Variants in ABHD18 observed in about 807,000 individuals in gnomAD.
ABHD18 encodes abhydrolase domain containing 18, also known as cardiolipin-specific deacylase, mitochondrial.
In ABHD18, 55 loss-of-function variants were observed where a neutral mutation model predicts 65.9. The observed-to-expected ratio is 0.84, with a 90% CI of 0.67 to 1.05. ABHD18 has a LOEUF of 1.05. Among genes scored for constraint, ABHD18 ranks in the 50% least tolerant of loss-of-function variants. The pLI, the probability that ABHD18 is intolerant of heterozygous loss-of-function variation, is 0.00. For synonymous variants in ABHD18, 181 were observed against 180.2 expected, an observed-to-expected ratio of 1.00 and a Z score of -0.04; for missense variants, 533 against 558.5, an observed-to-expected ratio of 0.95 and a Z score of 0.46.
chr4:128,034,576 C>G (rs1403277338), intron 12 of ABHD18, among the ~76,000 whole-genome samples: 2 of 151,268 alleles, frequency 1.3e-5, no homozygotes. Flanking sequence ...ATAGTGAGAT[C>G]TTGTCTCTAA....
intron 1 of ABHD18, 112 bp downstream of exon 1, chr4:127,965,718 A>T (rs1182123211): frequency 2.4e-5 from 4 of 167,040 alleles, no homozygotes; most frequent in African/African-American, 9.6e-5. Context: ...TGGGCGGGAG[A>T]CTCGCGGGTC....
At chr4:128,008,261 CTTTTTT>C (rs1167728243) in intron 4 of ABHD18, among the ~76,000 whole-genome samples, 115 of 97,756 alleles carry the variant, frequency 1.2e-3, no homozygotes, top group African/African-American at 4.7e-3. Context: ...GACTCCGTTC[CTTTTTT>C]TTTTTTTTTT....
At chr4:128,013,620 C>T (rs1428294262) in intron 7 of ABHD18, among the ~76,000 whole-genome samples, 1 of 152,000 alleles carries the variant, frequency 6.6e-6, no homozygotes, top group East Asian at 1.9e-4. Context: ...ATGGCGTGAA[C>T]CCAGGAGGCG....
chr4:127,996,461 A>G (rs1395412498), intron 4 of ABHD18, among the ~76,000 whole-genome samples: 4 of 152,134 alleles, frequency 2.6e-5, no homozygotes, highest in Admixed American at 6.6e-5. Flanking sequence ...GGGTGTACGA[A>G]CAGGGAGTAG....
chr4:128,028,701 C>T lies in ABHD18; in HGVS notation c.1028C>T (p.Thr343Ile). ...TCTAAGATGAAGCGCTTCAATCAAACACTTTCAACCAACAAAAGTGGTTAT... is the reference window on the plus strand; with the variant it reads ...TCTAAGATGAAGCGCTTCAATCAAATACTTTCAACCAACAAAAGTGGTTAT... ...DTSKMKRFNQ[T>I]LSTNKSGYTS... The change falls in exon 11 of 13, where the codon ACA becomes ATA. Residue 343 changes from threonine (T) to isoleucine (I), a missense_variant. Coordinates refer to ENST00000645843, the MANE Select transcript of ABHD18 (RefSeq NM_001358451.3). 1 of 1,613,946 alleles carries T rather than the reference C, an allele frequency of 6.2e-7. No individual in the cohort carries two copies. The highest frequency in any genetic ancestry group is 8.5e-7 in the Non-Finnish European group (1 of 1,179,874).
chr4:128,028,415 C>G (rs1757691447), intron 10 of ABHD18, 60 bp from the exon 11 acceptor site: 1 of 1,205,808 alleles, frequency 8.3e-7, no homozygotes, highest in African/African-American at 1.6e-5. Flanking sequence ...TTTTTTTTGA[C>G]AAAGCTGTTA....
intron 4 of ABHD18, among the ~76,000 whole-genome samples, chr4:128,005,846 G>A (rs1300973969): frequency 6.6e-6 from 1 of 152,118 alleles, no homozygotes; most frequent in African/African-American, 2.4e-5. Flanking sequence ...CTTCCCTGTT[G>A]CACAGTCTCT....
At position 128,039,144 on chromosome 4, in the gene ABHD18, C is replaced by CATATAT. The variant is rs61578534; in HGVS notation, c.*3367_*3372dup. ...TATGTATTATATATACACACATATG[C>CATATAT]ATATATATATATATATATATATATA... On this transcript the variant is annotated 3_prime_UTR_variant, in exon 13 of 13. Transcript: ENST00000645843. 76 of 99,712 alleles carry CATATAT rather than the reference C, an allele frequency of 7.6e-4. No homozygotes were observed. The highest frequency in any genetic ancestry group is 2.0e-3 in the South Asian group (6 of 3,034). 6.2% of individuals were successfully genotyped at this position (99,712 alleles called of 1,614,324 possible). A position where few individuals can be genotyped will look rare whatever the true frequency, so the allele number is the denominator to read the frequency against.
chr4:128,025,272 G>A (rs761000602), intron 10 of ABHD18, among the ~76,000 whole-genome samples: 1 of 151,994 alleles, frequency 6.6e-6, no homozygotes, highest in Non-Finnish European at 1.5e-5. Context: ...TGAGTAGCTG[G>A]GATTATAGGT....
chr4:128,010,906 A>G (rs1459785113), intron 6 of ABHD18, among the ~76,000 whole-genome samples: 2 of 149,018 alleles, frequency 1.3e-5, no homozygotes, highest in Admixed American at 1.3e-4. Context: ...CTGCGCCTCA[A>G]AAAAAAAAAA....
intron 4 of ABHD18, among the ~76,000 whole-genome samples, chr4:127,996,593 A>G (rs11932251): frequency 0.029 from 4,442 of 152,278 alleles, 202 homozygotes; most frequent in African/African-American, 0.1. Context: ...CTTAACAGGA[A>G]ACAGGGTTCG....
At chr4:127,996,866 C>T (rs1008115124) in intron 4 of ABHD18, among the ~76,000 whole-genome samples, 1 of 152,152 alleles carries the variant, frequency 6.6e-6, no homozygotes, top group African/African-American at 2.4e-5. Context: ...TCTGCCCGAC[C>T]CTGCAGGCAG....
chr4:127,975,245 C>T (rs1747686357), intron 1 of ABHD18, among the ~76,000 whole-genome samples: 1 of 152,060 alleles, frequency 6.6e-6, no homozygotes, highest in Admixed American at 6.6e-5. Context: ...CACCACCATC[C>T]ATCTCCAGTT....
intron 3 of ABHD18, among the ~76,000 whole-genome samples, chr4:127,985,418 A>C (rs1277065821): frequency 1.3e-5 from 2 of 152,154 alleles, no homozygotes; most frequent in African/African-American, 4.8e-5. Flanking sequence ...TTTTCAAAAG[A>C]GTTCGACTGC....
chr4:128,027,713 A>G (rs1757594881), intron 10 of ABHD18, among the ~76,000 whole-genome samples: 1 of 152,190 alleles, frequency 6.6e-6, no homozygotes, highest in East Asian at 1.9e-4. Flanking sequence ...CAGTAATTTT[A>G]AATTCTGGTT....
At chr4:127,998,541 C>CT (rs34575955) in intron 4 of ABHD18, among the ~76,000 whole-genome samples, 41,346 of 142,890 alleles carry the variant, frequency 0.29, 6,028 homozygotes, top group African/African-American at 0.33. Flanking sequence ...TCCCGGCTGA[C>CT]TTTTTTTTTT....
chr4:127,982,983 T>C lies in ABHD18; in HGVS notation c.28T>C (p.Tyr10His). 1 of 1,566,340 alleles carries C rather than the reference T, an allele frequency of 6.4e-7. No homozygotes were observed. The highest frequency in any genetic ancestry group is 8.7e-7 in the Non-Finnish European group (1 of 1,153,960). ...GGGTGTGAGCAAGTTAGATATTCTA[T>C]ACCGGAGACTTCTCCTAACAAAACT... is the stretch of plus-strand genomic sequence containing the variant. MGVSKLDIL[Y>H]RRLLLTKLFI... The change falls in exon 2 of 13, where the codon TAC (tyrosine) becomes CAC (histidine). Residue 10 changes from tyrosine (Y) to histidine (H), a missense_variant. This residue lies in a region of ABHD18 where 309 missense variants were observed against 313.5 expected (regional missense o/e 0.99). Transcript: ENST00000645843.
rs574885351 is a variant in ABHD18, at chr4:127,998,458, C to G, written c.278+8637C>G. 2.6e-5 allele frequency among the ~76,000 whole-genome samples: 4 copies of G among 151,262 alleles called. No homozygotes were observed. The South Asian group carries it at 8.4e-4, about 32-fold the overall frequency. On this transcript the variant is annotated intron_variant, in intron 4 of 12. Coordinates refer to ENST00000645843, the MANE Select transcript of ABHD18 (RefSeq NM_001358451.3). Reference sequence around the variant, plus strand: ...GTTTCACCATGTTAGCCAGGATGGTCTCGATCTCCTGACCTCGTGATCCGC... The same window carrying G: ...GTTTCACCATGTTAGCCAGGATGGTGTCGATCTCCTGACCTCGTGATCCGC...
At chr4:128,002,586 C>CT (rs1404164103) in intron 4 of ABHD18, among the ~76,000 whole-genome samples, 1 of 148,678 alleles carries the variant, frequency 6.7e-6, no homozygotes, top group Non-Finnish European at 1.5e-5. Flanking sequence ...TACCAAGACT[C>CT]TGTCTCAAAA....
Sources: allele counts gnomAD v4.1 joint callset (sites outside exome capture counted in the v4.1 genomes callset), GRCh38; gene constraint gnomAD v4.1.1; regional missense constraint gnomAD v4.1.1; transcripts MANE v1.5; gene names NCBI Gene and HGNC (gene_info 2026-07-23, HGNC 2026-07-21).